The following BCKDHB variants were observed in gnomAD, a reference collection of about 807,000 sequenced individuals.
The protein encoded by BCKDHB is 2-oxoisovalerate dehydrogenase subunit beta, mitochondrial.
BCKDHB carries 41 observed loss-of-function variants against 48.5 expected under a neutral mutation model. The observed-to-expected ratio is 0.85, with a 90% CI of 0.66 to 1.10. The LOEUF (loss-of-function observed/expected upper bound fraction) is 1.10, where lower values mean the gene tolerates loss of function less well. BCKDHB is among the 50% of genes least tolerant of loss of function. BCKDHB has a pLI of 0.00. For synonymous variants in BCKDHB, 201 were observed against 174.8 expected (o/e 1.15, Z -1.18); for missense variants, 496 against 494.2 (o/e 1.00, Z -0.03).
At chr6:80,422,122 C>G in the BCKDHB span, among the ~76,000 whole-genome samples, 1 of 152,162 alleles carries the variant, frequency 6.6e-6, no homozygotes, top group Non-Finnish European at 1.5e-5. Flanking sequence ...CCCCACTGCT[C>G]TGTTCAGCCT....
intron 9 of BCKDHB, among the ~76,000 whole-genome samples, chr6:80,305,782 G>T (rs1158099000): frequency 6.6e-6 from 1 of 152,116 alleles, no homozygotes; most frequent in African/African-American, 2.4e-5. Context: ...CACCTACCAT[G>T]GGACCAGATG....
chr6:80,439,015 A>G, the BCKDHB span, among the ~76,000 whole-genome samples: 245 of 152,304 alleles, frequency 1.6e-3, 2 homozygotes, highest in Middle Eastern at 0.017. Context: ...GATTCCTGCA[A>G]CCTAATTGCT....
chr6:80,167,605 G>A, intron 3 of BCKDHB, 73 bp from the exon 4 acceptor site: 2 of 1,443,638 alleles, frequency 1.4e-6, no homozygotes, highest in Non-Finnish European at 1.9e-6. Context: ...TTAGTTTACT[G>A]AATTTTTAAA....
the BCKDHB span, among the ~76,000 whole-genome samples, chr6:80,429,965 A>G: frequency 6.6e-6 from 1 of 152,206 alleles, no homozygotes; most frequent in Non-Finnish European, 1.5e-5. Context: ...GAATGCTTCC[A>G]GTTTTTACCC....
chr6:80,161,382 T>C (rs1283577297), intron 3 of BCKDHB, among the ~76,000 whole-genome samples: 6 of 152,036 alleles, frequency 3.9e-5, no homozygotes, highest in African/African-American at 1.4e-4. Context: ...TGGTTCCAAA[T>C]ATCAAATAGC....
intron 9 of BCKDHB, among the ~76,000 whole-genome samples, chr6:80,338,891 A>G (rs1430735880): frequency 6.6e-6 from 1 of 152,188 alleles, no homozygotes; most frequent in African/African-American, 2.4e-5. Flanking sequence ...TTCTATTTTG[A>G]TGTTGAATAA....
chr6:80,352,795 A>C, the BCKDHB span, among the ~76,000 whole-genome samples: 1 of 152,230 alleles, frequency 6.6e-6, no homozygotes, highest in South Asian at 2.1e-4. Context: ...AAATAAGTGA[A>C]TGCAGACTCT....
the BCKDHB span, among the ~76,000 whole-genome samples, chr6:80,399,799 C>G: frequency 6.6e-6 from 1 of 152,002 alleles, no homozygotes; most frequent in Admixed American, 6.6e-5. Context: ...GCAATCCTAG[C>G]AAAAAGAACA....
intron 8 of BCKDHB, among the ~76,000 whole-genome samples, chr6:80,244,956 A>G (rs1776546676): frequency 6.6e-6 from 1 of 152,216 alleles, no homozygotes; most frequent in Non-Finnish European, 1.5e-5. Context: ...ATTCAATTCA[A>G]CAAACTTTTG....
chr6:80,160,102 C>T (rs1380297165), intron 3 of BCKDHB, among the ~76,000 whole-genome samples: 2 of 152,180 alleles, frequency 1.3e-5, no homozygotes, highest in Non-Finnish European at 2.9e-5. Flanking sequence ...ACAGAAGAAA[C>T]AGATTCTTAG....
chr6:80,363,565 A>G, the BCKDHB span, among the ~76,000 whole-genome samples: 1 of 152,228 alleles, frequency 6.6e-6, no homozygotes, highest in African/African-American at 2.4e-5. Context: ...GATTTTGTAT[A>G]GAAAATTATT....
chr6:80,300,062 T>C (rs916126671), intron 9 of BCKDHB, among the ~76,000 whole-genome samples: 18 of 152,054 alleles, frequency 1.2e-4, no homozygotes, highest in African/African-American at 4.4e-4. Context: ...TCTTTTTTTT[T>C]TTTTTAAAGA....
chr6:80,222,125 C>T (rs1216002131), intron 8 of BCKDHB, among the ~76,000 whole-genome samples: 1 of 152,134 alleles, frequency 6.6e-6, no homozygotes, highest in Non-Finnish European at 1.5e-5. Flanking sequence ...TCTCAGGCTC[C>T]CTCCTTTCGG....
chr6:80,324,846 C>T (rs1280142903), intron 9 of BCKDHB, among the ~76,000 whole-genome samples: 12 of 152,148 alleles, frequency 7.9e-5, no homozygotes, highest in Non-Finnish European at 2.9e-5. Flanking sequence ...TGAATTCACC[C>T]TGATTAGACC....
chr6:80,399,566 A>T, the BCKDHB span, among the ~76,000 whole-genome samples: 2 of 152,196 alleles, frequency 1.3e-5, no homozygotes. Flanking sequence ...TACAAGGAGA[A>T]CTACAAAACA....
chr6:80,243,736 G>C (rs563374270), intron 8 of BCKDHB, among the ~76,000 whole-genome samples: 132 of 152,170 alleles, frequency 8.7e-4, no homozygotes, highest in Non-Finnish European at 1.6e-3. Context: ...GTGTCTCATG[G>C]TGTTGCCCAA....
chr6:80,112,722 C>G (rs1328286848), intron 1 of BCKDHB, among the ~76,000 whole-genome samples: 1 of 152,170 alleles, frequency 6.6e-6, no homozygotes, highest in Non-Finnish European at 1.5e-5. Context: ...CGAGGGCGTC[C>G]CCTTTGGAGA....
chr6:80,442,461 G>A, the BCKDHB span, among the ~76,000 whole-genome samples: 1 of 152,100 alleles, frequency 6.6e-6, no homozygotes, highest in Non-Finnish European at 1.5e-5. Context: ...ACCTGTATAT[G>A]TGTATGTGAT....
chr6:80,116,557 C>T (rs971419747), intron 1 of BCKDHB, among the ~76,000 whole-genome samples: 3 of 152,160 alleles, frequency 2.0e-5, no homozygotes, highest in African/African-American at 4.8e-5. Flanking sequence ...TATATGTCAC[C>T]TCATTTTTTC....
Sources: gnomAD v4.1 joint callset for allele counts (sites outside exome capture counted in the v4.1 genomes callset) on GRCh38, gnomAD v4.1.1 for gene constraint, MANE v1.5 for transcripts, NCBI Gene and HGNC (gene_info 2026-07-23, HGNC 2026-07-21) for gene names.